The following IL36B variants were observed in gnomAD, a reference collection of about 807,000 sequenced individuals.
IL36B encodes the protein interleukin 36 beta.
IL36B carries 23 observed loss-of-function variants against 19.3 expected under a neutral mutation model. The ratio of observed to expected loss-of-function variants is 1.19; its 90% CI spans 0.86 to 1.69. The LOEUF (loss-of-function observed/expected upper bound fraction) is 1.69. Ranked by LOEUF, IL36B falls within the 40% of genes most tolerant of loss-of-function variation. The pLI, the probability that IL36B is intolerant of heterozygous loss-of-function variation, is 0.00. For missense variants in IL36B, 217 were observed against 200.5 expected (o/e 1.08, Z -0.50); for synonymous variants, 59 against 59.7 (o/e 0.99, Z 0.05).
At chr2:113,048,367 G>A (rs147306531) in intron 1 of IL36B, among the ~76,000 whole-genome samples, 185 of 152,222 alleles carry the variant, frequency 1.2e-3, no homozygotes, top group African/African-American at 3.9e-3. Context: ...GCTTGAACCC[G>A]GGAGGCGAAG....
At position 113,051,097 on chromosome 2, in the gene IL36B, G is replaced by A. The variant is rs368260539; in HGVS notation, c.-58+1720C>T. Among the ~76,000 whole-genome samples, 150 of 152,310 alleles carry A rather than the reference G, an allele frequency of 9.8e-4. 1 individual carries two copies. In the East Asian group the frequency reaches 0.017, roughly 17 times the overall value. ...TCATCGTGGCCTCCCGACCTAGCCT[G>A]GTGGAGAGCGCCCCCTGCCGGTAGA... On this transcript the variant is annotated intron_variant, in intron 1 of 5. Coordinates refer to ENST00000259213, the MANE Select transcript of IL36B (RefSeq NM_014438.5).
At chr2:113,050,623 T>C (rs1685426342) in intron 1 of IL36B, among the ~76,000 whole-genome samples, 1 of 152,216 alleles carries the variant, frequency 6.6e-6, no homozygotes, top group African/African-American at 2.4e-5. Flanking sequence ...ATGTATATCT[T>C]ACCACATTTA....
At chr2:113,046,958 T>C (rs903741032) in intron 1 of IL36B, among the ~76,000 whole-genome samples, 1 of 152,232 alleles carries the variant, frequency 6.6e-6, no homozygotes, top group African/African-American at 2.4e-5. Context: ...GAGAGTTGGA[T>C]AGCTAAATAA....
In IL36B at chr2:113,028,956, G is replaced by A; in HGVS notation, c.244C>T (p.Pro82Ser). ...TCACTCACCTTAAGCTGCAAAGTAG[G>A]CTTGCCCTGAATTTCTGCACAGAAG... Residue 82 changes from proline (P) to serine (S), a missense_variant, in exon 4 of 6, where the codon CCT (proline) becomes TCT (serine). By Grantham distance (74) the Pro-to-Ser change is moderately conservative (BLOSUM62 -1). Transcript: ENST00000259213. 9 of 1,614,052 alleles carry A rather than the reference G, an allele frequency of 5.6e-6. No individual in the cohort carries two copies. Among genetic ancestry groups the A allele is most frequent in the Non-Finnish European group, 7.6e-6 (9 of 1,179,978 alleles).
In IL36B at chr2:113,022,728, C is replaced by T. The variant is rs746077689; in HGVS notation, c.441G>A (p.Lys147=). 1.1e-4 allele frequency: 183 copies of T among 1,613,354 alleles called. No individual in the cohort carries two copies. The highest frequency in any genetic ancestry group is 1.4e-4 in the Non-Finnish European group (165 of 1,179,464). ...TCCGCATGGATGAGAAATCTTTGTC[C>T]TTCTTCCTGAGATGGTGATGTTGAA... Residue 147 remains lysine, a synonymous_variant, in exon 6 of 6, where the codon AAG becomes AAA. Coordinates refer to ENST00000259213, the MANE Select transcript of IL36B (RefSeq NM_014438.5).
intron 3 of IL36B, among the ~76,000 whole-genome samples, chr2:113,029,674 G>T (rs1685037371): frequency 6.6e-6 from 1 of 152,162 alleles, no homozygotes; most frequent in South Asian, 2.1e-4. Flanking sequence ...GAAGTTAGAG[G>T]TATCTGAGAG....
intron 1 of IL36B, among the ~76,000 whole-genome samples, chr2:113,051,626 C>T (rs911557935): frequency 1.2e-4 from 18 of 152,192 alleles, no homozygotes; most frequent in African/African-American, 4.3e-4. Context: ...CCACAGCCTC[C>T]CCATGACTTC....
At chr2:113,027,821 C>G in intron 4 of IL36B, 1 of 1,552,622 alleles carries the variant, frequency 6.4e-7, no homozygotes, top group Non-Finnish European at 8.7e-7. Context: ...CTAGTGAACT[C>G]AGTCGCATAA....
chr2:113,047,353 C>T lies in IL36B; in HGVS notation c.-58+5464G>A, dbSNP rs569866817. On this transcript the variant is annotated intron_variant, in intron 1 of 5. Coordinates refer to ENST00000259213, the MANE Select transcript of IL36B (RefSeq NM_014438.5). ...GAAATGCTTCAATTAGCATTTCTTA[C>T]GAGCATGACTTTTGAGTGTCATGTT... Among the ~76,000 whole-genome samples, 11 of 152,238 alleles carry T rather than the reference C, an allele frequency of 7.2e-5. No individual in the cohort carries two copies. The South Asian group carries it at 1.0e-3, about 14-fold the overall frequency.
At chr2:113,027,762 G>T (rs1250151367) in intron 4 of IL36B, 5 of 1,454,046 alleles carry the variant, frequency 3.4e-6, no homozygotes, top group African/African-American at 1.4e-5. Flanking sequence ...GGAGGAGGAG[G>T]TGGCTTTTGG....
intron 1 of IL36B, among the ~76,000 whole-genome samples, chr2:113,048,517 G>T (rs943113990): frequency 2.0e-5 from 3 of 152,108 alleles, no homozygotes; most frequent in African/African-American, 7.2e-5. Flanking sequence ...TGGAAAAATA[G>T]CATAAATGTT....
rs1485215700 is a variant in IL36B, at chr2:113,022,792, A to G, written c.392-15T>C. ...CTTCTTTCTACCTGCAGGAAAGGAG[A>G]AGTATCTCCTAGGCTTAGCAAGATG... On this transcript the variant is annotated splice_polypyrimidine_tract_variant and intron_variant, in intron 5 of 5. Transcript: ENST00000259213. 3.2e-6 allele frequency: 5 copies of G among 1,540,016 alleles called. No individual in the cohort carries two copies. In the East Asian group the frequency reaches 1.1e-4, roughly 35 times the overall value.
chr2:113,027,683 A>C, intron 4 of IL36B: 1 of 1,388,548 alleles, frequency 7.2e-7, no homozygotes, highest in Non-Finnish European at 9.3e-7. Context: ...AAGAATGGAA[A>C]GTGATTTTTA....
intron 1 of IL36B, among the ~76,000 whole-genome samples, chr2:113,052,002 G>A (rs1573381385): frequency 6.6e-6 from 1 of 150,412 alleles, no homozygotes; most frequent in Admixed American, 6.6e-5. Flanking sequence ...AGGATGAAGT[G>A]CAGTGACATG....
intron 1 of IL36B, among the ~76,000 whole-genome samples, chr2:113,032,799 G>A (rs545501071): frequency 2.6e-5 from 4 of 152,318 alleles, no homozygotes; most frequent in African/African-American, 9.6e-5. Flanking sequence ...GCCCCTGGGT[G>A]TGTTCATTTT....
At chr2:113,044,238 A>G (rs1474474678) in intron 1 of IL36B, among the ~76,000 whole-genome samples, 1 of 150,176 alleles carries the variant, frequency 6.7e-6, no homozygotes, top group Non-Finnish European at 1.5e-5. Context: ...TCTGCAATTT[A>G]CTTTGATATA....
Position 113,028,900 on chromosome 2 carries a change from T to C in IL36B, c.261+39A>G, listed in dbSNP as rs552927876. ...CATAGTAAATGAAATAGAAAGTCCA[T>C]ATGACAGTACTTCTCTCGTTAGCTG... On this transcript the variant is annotated intron_variant, in intron 4 of 5. Coordinates refer to ENST00000259213, the MANE Select transcript of IL36B (RefSeq NM_014438.5). 4.8e-5 allele frequency: 77 copies of C among 1,601,464 alleles called. 1 individual carries two copies. The South Asian group carries it at 7.7e-4, about 16-fold the overall frequency.
In IL36B at chr2:113,031,696, C is replaced by T. The variant is rs369233758; in HGVS notation, c.13+1G>A. 2.8e-5 allele frequency: 45 copies of T among 1,609,896 alleles called. No homozygotes were observed. The highest frequency in any genetic ancestry group is 1.2e-4 in the African/African-American group (9 of 74,816). On this transcript the variant is annotated splice_donor_variant, in intron 2 of 5. Coordinates refer to ENST00000259213, the MANE Select transcript of IL36B (RefSeq NM_014438.5). LOFTEE classifies it high-confidence loss of function. ...AAGCTGATTTGCAATTCACCACTTA[C>T]GTTGTGGGTTCATGATGTCTTCAGA...
At chr2:113,027,700 A>C in intron 4 of IL36B, 1 of 1,411,742 alleles carries the variant, frequency 7.1e-7, no homozygotes, top group Non-Finnish European at 9.2e-7. Context: ...TTTAGGTTTC[A>C]TCTTGGGATA....
Sources: allele counts gnomAD v4.1 joint callset (sites outside exome capture counted in the v4.1 genomes callset), GRCh38; gene constraint gnomAD v4.1.1; transcripts MANE v1.5; gene names NCBI Gene and HGNC (gene_info 2026-07-23, HGNC 2026-07-21).